TRPM8: variants seen among roughly 807,000 people sequenced by gnomAD.
TRPM8 encodes transient receptor potential cation channel subfamily M member 8, also known as TRPM8 cationic channel.
TRPM8 carries 110 observed loss-of-function variants against 133.7 expected under a neutral mutation model. The observed-to-expected ratio is 0.82, with a 90% CI of 0.70 to 0.96. The LOEUF (loss-of-function observed/expected upper bound fraction) is 0.96. Among genes scored for constraint, TRPM8 ranks in the 40% least tolerant of loss-of-function variants. TRPM8 has a pLI of 0.00. For synonymous variants in TRPM8, 535 were observed against 532.3 expected (o/e 1.01, Z -0.07); for missense variants, 1,291 against 1,379.5 (o/e 0.94, Z 1.02).
At chr2:233,959,325 CT>C (rs778556639) in intron 11 of TRPM8, among the ~76,000 whole-genome samples, 1,434 of 106,242 alleles carry the variant, frequency 0.013, 20 homozygotes, top group African/African-American at 0.051. Flanking sequence ...CTCGCCCAGC[CT>C]TTTTTTTTTT....
intron 9 of TRPM8, among the ~76,000 whole-genome samples, chr2:233,953,407 CT>C (rs1691217214): frequency 6.6e-6 from 1 of 152,216 alleles, no homozygotes; most frequent in South Asian, 2.1e-4. Context: ...GGGTTATTTA[CT>C]TTTTAAAACG....
intron 11 of TRPM8, among the ~76,000 whole-genome samples, chr2:233,957,489 AAAAC>A (rs1247814736): frequency 6.6e-6 from 1 of 152,184 alleles, no homozygotes; most frequent in Non-Finnish European, 1.5e-5. Flanking sequence ...ATCTTGTCTC[AAAAC>A]AAACAAACAC....
intron 15 of TRPM8, among the ~76,000 whole-genome samples, chr2:233,969,098 A>G (rs762650011): frequency 6.6e-6 from 1 of 152,184 alleles, no homozygotes; most frequent in Non-Finnish European, 1.5e-5. Context: ...TGAGAGTTGG[A>G]TAAAAATTCC....
chr2:233,974,293 G>T (rs1380039128), intron 17 of TRPM8, among the ~76,000 whole-genome samples: 1 of 152,066 alleles, frequency 6.6e-6, no homozygotes, highest in African/African-American at 2.4e-5. Context: ...GAGTGCAATG[G>T]CGTGATCTTG....
At chr2:233,944,096 C>T (rs954604146) in intron 6 of TRPM8, among the ~76,000 whole-genome samples, 2 of 151,938 alleles carry the variant, frequency 1.3e-5, no homozygotes, top group Admixed American at 6.6e-5. Flanking sequence ...GAGCCAGTTC[C>T]CTTCTTCAAG....
At chr2:233,943,799 C>T (rs1240445894) in intron 6 of TRPM8, among the ~76,000 whole-genome samples, 2 of 152,174 alleles carry the variant, frequency 1.3e-5, no homozygotes, top group African/African-American at 4.8e-5. Context: ...AAGCATTGGA[C>T]CAAATGTTCA....
In TRPM8 at chr2:233,946,034, A is replaced by G. The variant is rs769443777; in HGVS notation, c.874+4A>G. On this transcript the variant is annotated splice_donor_region_variant and intron_variant, in intron 7 of 25. Transcript: ENST00000324695. The stretch of plus-strand genomic sequence containing the variant: ...ATCTCTGAGCGCACTATTCAAGGTC[A>G]GTGGTTAGGAGGTAGGACACTAGAA... 6.2e-7 allele frequency: 1 copy of G among 1,613,448 alleles called. No homozygotes were observed. The highest frequency in any genetic ancestry group is 8.5e-7 in the Non-Finnish European group (1 of 1,179,464).
At chr2:233,936,594 G>T (rs1468089291) in intron 3 of TRPM8, among the ~76,000 whole-genome samples, 1 of 152,202 alleles carries the variant, frequency 6.6e-6, no homozygotes, top group Admixed American at 6.5e-5. Context: ...AGTGAGTTCA[G>T]CCCATGGGAA....
At chr2:233,939,293 G>C (rs568865861) in intron 5 of TRPM8, 118 bp downstream of exon 5, 41 of 1,110,988 alleles carry the variant, frequency 3.7e-5, no homozygotes, top group Non-Finnish European at 5.2e-5. Flanking sequence ...AGAAGCATCT[G>C]ATTAATCGTT....
In TRPM8 at chr2:233,947,136, G is replaced by A; in HGVS notation, c.923G>A (p.Gly308Asp). ...KIPIVCFAQG[G>D]GKETLKAINT... ...CCCATTGTGTGTTTTGCCCAAGGAGGTGGAAAAGAGACTTTGAAAGTGAGT... is the reference window on the plus strand; with the variant it reads ...CCCATTGTGTGTTTTGCCCAAGGAGATGGAAAAGAGACTTTGAAAGTGAGT... The change falls in exon 8 of 26, where the codon GGT becomes GAT. Residue 308 changes from glycine to aspartate, a missense_variant. By Grantham distance (94) the Gly-to-Asp change is moderately conservative (BLOSUM62 -1). Around this residue, in one of 2 missense-constraint regions of TRPM8, gnomAD observed 963 missense variants for 968.9 expected, o/e 0.99. Coordinates refer to ENST00000324695, the MANE Select transcript of TRPM8 (RefSeq NM_024080.5). 2 of 1,614,104 alleles carry A rather than the reference G, an allele frequency of 1.2e-6. No individual in the cohort carries two copies. Among genetic ancestry groups the A allele is most frequent in the Middle Eastern group, 1.6e-4 (1 of 6,062 alleles).
chr2:233,986,452 A>G (rs148750323), intron 21 of TRPM8, among the ~76,000 whole-genome samples: 53 of 152,328 alleles, frequency 3.5e-4, no homozygotes, highest in African/African-American at 1.3e-3. Context: ...GAGGGTTTCA[A>G]AGAGCCCCAG....
At chr2:233,925,137 T>C (rs752772483) in intron 1 of TRPM8, among the ~76,000 whole-genome samples, 1 of 152,142 alleles carries the variant, frequency 6.6e-6, no homozygotes, top group Non-Finnish European at 1.5e-5. Flanking sequence ...CATTTCTGCA[T>C]TCGGGAGTTA....
intron 6 of TRPM8, among the ~76,000 whole-genome samples, chr2:233,945,138 A>G (rs1691009932): frequency 6.6e-6 from 1 of 152,172 alleles, no homozygotes. Context: ...GTTCAAACTT[A>G]TTAAATTCTA....
chr2:233,962,622 G>A (rs1447295908), intron 12 of TRPM8, among the ~76,000 whole-genome samples: 1 of 152,152 alleles, frequency 6.6e-6, no homozygotes, highest in Non-Finnish European at 1.5e-5. Flanking sequence ...GGTATTTGCA[G>A]GAATTGGAAG....
chr2:233,953,670 C>T, intron 9 of TRPM8: 1 of 343,628 alleles, frequency 2.9e-6, no homozygotes, highest in Non-Finnish European at 5.4e-6. Flanking sequence ...ACAGCACCTG[C>T]ACGCAGATGC....
At position 233,946,041 on chromosome 2, in the gene TRPM8, A is replaced by T. The variant is rs780756041; in HGVS notation, c.874+11A>T. 8 of 1,613,268 alleles carry T rather than the reference A, an allele frequency of 5.0e-6. No homozygotes were observed. The highest frequency in any genetic ancestry group is 6.8e-6 in the Non-Finnish European group (8 of 1,179,418). On this transcript the variant is annotated intron_variant, in intron 7 of 25. Transcript: ENST00000324695. Reference sequence around the variant, plus strand: ...AGCGCACTATTCAAGGTCAGTGGTTAGGAGGTAGGACACTAGAAGTGTACA... The same window carrying T: ...AGCGCACTATTCAAGGTCAGTGGTTTGGAGGTAGGACACTAGAAGTGTACA...
At chr2:234,014,699 T>A in intron 25 of TRPM8, 45 bp downstream of exon 25, 1 of 711,604 alleles carries the variant, frequency 1.4e-6, no homozygotes, top group Non-Finnish European at 2.3e-6. Context: ...AAGATTTGCA[T>A]CTTTTAAGAC....
chr2:233,961,881 C>T (rs1248776714), intron 12 of TRPM8, among the ~76,000 whole-genome samples: 7 of 152,296 alleles, frequency 4.6e-5, no homozygotes, highest in South Asian at 4.1e-4. Flanking sequence ...TTGCCTGCCT[C>T]GGCCTCCCAA....
At chr2:234,010,990 G>C (rs944680416) in intron 24 of TRPM8, among the ~76,000 whole-genome samples, 2 of 152,072 alleles carry the variant, frequency 1.3e-5, no homozygotes, top group African/African-American at 4.8e-5. Flanking sequence ...AATCCCACTT[G>C]TTTGTTTTTG....
Sources: allele counts gnomAD v4.1 joint callset (sites outside exome capture counted in the v4.1 genomes callset), GRCh38; gene constraint gnomAD v4.1.1; regional missense constraint gnomAD v4.1.1; transcripts MANE v1.5; gene names NCBI Gene and HGNC (gene_info 2026-07-23, HGNC 2026-07-21).